Variants in NKAIN2 observed in about 807,000 individuals in gnomAD.
The protein encoded by NKAIN2 is sodium/potassium-transporting ATPase subunit beta-1-interacting protein 2.
In NKAIN2, 14 loss-of-function variants were observed where a neutral mutation model predicts 32.6. That is an observed-to-expected ratio of 0.43 (90% CI 0.28 to 0.67). The LOEUF (loss-of-function observed/expected upper bound fraction) is 0.67. Ranked by LOEUF, NKAIN2 falls within the 30% of genes least tolerant of loss-of-function variation. The pLI is 0.17. For missense variants in NKAIN2, 198 were observed against 258.3 expected (o/e 0.77, Z 1.60); for synonymous variants, 80 against 87.2 (o/e 0.92, Z 0.46).
In NKAIN2 at chr6:124,365,964, T is replaced by A. The variant is rs1799498991; in HGVS notation, c.273+10617T>A. Among the ~76,000 whole-genome samples, 15 of 151,436 alleles carry A rather than the reference T, an allele frequency of 9.9e-5. 1 individual carries two copies. Among genetic ancestry groups the A allele is most frequent in the Middle Eastern group, 3.5e-3 (1 of 288 alleles). ...TGAATTTATTGCTAAAAAAAAAACT[T>A]GGTGGTGTGAAATTGCAGAAATGCT... On this transcript the variant is annotated intron_variant, in intron 3 of 6. Transcript: ENST00000368417.
intron 1 of NKAIN2, among the ~76,000 whole-genome samples, chr6:124,276,486 T>C (rs180835748): frequency 6.6e-6 from 1 of 152,282 alleles, no homozygotes; most frequent in Non-Finnish European, 1.5e-5. Flanking sequence ...ACTTCAAGTT[T>C]ATCCTCTTCA....
intron 2 of NKAIN2, among the ~76,000 whole-genome samples, chr6:124,350,138 T>G (rs1798647006): frequency 6.6e-6 from 1 of 152,190 alleles, no homozygotes; most frequent in African/African-American, 2.4e-5. Flanking sequence ...TTATATTAGG[T>G]CATCTCTCCA....
chr6:124,340,578 G>A (rs958625486), intron 2 of NKAIN2, among the ~76,000 whole-genome samples: 5 of 151,950 alleles, frequency 3.3e-5, no homozygotes, highest in African/African-American at 9.7e-5. Context: ...TTCCTTCTTT[G>A]TATTCATAAG....
chr6:123,900,029 C>A (rs1289758558), intron 1 of NKAIN2, among the ~76,000 whole-genome samples: 1 of 152,182 alleles, frequency 6.6e-6, no homozygotes, highest in African/African-American at 2.4e-5. Flanking sequence ...GAACCCTCAA[C>A]CCAATGGTCC....
intron 5 of NKAIN2, among the ~76,000 whole-genome samples, chr6:124,806,152 C>A (rs1780542717): frequency 6.6e-6 from 1 of 152,078 alleles, no homozygotes; most frequent in African/African-American, 2.4e-5. Flanking sequence ...CACAAAGATA[C>A]TCCTCGAGAA....
At chr6:123,805,189 A>G (rs1773164561) in intron 1 of NKAIN2, among the ~76,000 whole-genome samples, 1 of 152,234 alleles carries the variant, frequency 6.6e-6, no homozygotes, top group South Asian at 2.1e-4. Flanking sequence ...ACTTGTCATT[A>G]AATATATTTC....
At chr6:124,156,436 T>C (rs893874031) in intron 1 of NKAIN2, among the ~76,000 whole-genome samples, 2 of 151,868 alleles carry the variant, frequency 1.3e-5, no homozygotes, top group Non-Finnish European at 2.9e-5. Context: ...CTCAAGGGAG[T>C]CACATCTGAA....
intron 4 of NKAIN2, among the ~76,000 whole-genome samples, chr6:124,780,862 A>G (rs1235183788): frequency 6.6e-6 from 1 of 152,204 alleles, no homozygotes; most frequent in Non-Finnish European, 1.5e-5. Flanking sequence ...CTATAAAATC[A>G]TGATGAGTCG....
intron 3 of NKAIN2, among the ~76,000 whole-genome samples, chr6:124,613,720 C>A (rs553084106): frequency 9.9e-5 from 15 of 152,146 alleles, no homozygotes; most frequent in African/African-American, 3.4e-4. Flanking sequence ...TCAAGCTAAC[C>A]TTTCCTTACA....
intron 1 of NKAIN2, among the ~76,000 whole-genome samples, chr6:123,857,276 T>G (rs900124472): frequency 6.8e-5 from 10 of 147,024 alleles, no homozygotes; most frequent in Non-Finnish European, 1.1e-4. Context: ...TTTTTTTTTT[T>G]GCATATGTGA....
At chr6:124,090,808 A>G (rs10484735) in intron 1 of NKAIN2, among the ~76,000 whole-genome samples, 21,083 of 151,982 alleles carry the variant, frequency 0.14, 1,941 homozygotes, top group Middle Eastern at 0.25. Flanking sequence ...AACTTTTATA[A>G]TCGTTCAGTG....
intron 1 of NKAIN2, among the ~76,000 whole-genome samples, chr6:124,272,100 T>C (rs141450953): frequency 2.2e-3 from 340 of 152,278 alleles, no homozygotes; most frequent in African/African-American, 7.8e-3. Context: ...TAATGCAGTA[T>C]GAAGGAAAAC....
chr6:124,805,660 G>C (rs1208581728), intron 5 of NKAIN2, among the ~76,000 whole-genome samples: 1 of 152,250 alleles, frequency 6.6e-6, no homozygotes, highest in Non-Finnish European at 1.5e-5. Context: ...TTGACGAGTT[G>C]AGAGAAGAAG....
chr6:124,566,759 AG>A (rs1482685652), intron 3 of NKAIN2, among the ~76,000 whole-genome samples: 2 of 152,188 alleles, frequency 1.3e-5, no homozygotes, highest in Non-Finnish European at 2.9e-5. Context: ...ATGAGCTCCT[AG>A]GGTGACATAA....
chr6:124,326,404 A>G (rs1480893201), intron 2 of NKAIN2, among the ~76,000 whole-genome samples: 2 of 152,106 alleles, frequency 1.3e-5, no homozygotes, highest in Non-Finnish European at 2.9e-5. Context: ...TCCTCACTCC[A>G]GGGTTGCCTC....
intron 3 of NKAIN2, among the ~76,000 whole-genome samples, chr6:124,633,848 GGTAGAGT>G (rs563373735): frequency 1.3e-5 from 2 of 152,254 alleles, no homozygotes; most frequent in South Asian, 4.1e-4. Flanking sequence ...TTCCTCCACT[GGTAGAGT>G]CACTGCACAA....
intron 3 of NKAIN2, among the ~76,000 whole-genome samples, chr6:124,364,331 C>T (rs781078018): frequency 6.8e-6 from 1 of 148,110 alleles, no homozygotes; most frequent in Non-Finnish European, 1.5e-5. Flanking sequence ...GATAAAAAAA[C>T]AGAATTGGAT....
chr6:124,196,221 G>A (rs547500024), intron 1 of NKAIN2, among the ~76,000 whole-genome samples: 15 of 151,914 alleles, frequency 9.9e-5, no homozygotes, highest in Admixed American at 8.5e-4. Context: ...ATACTTATCC[G>A]GGTAACTATA....
chr6:124,685,438 G>A (rs1012014472), intron 4 of NKAIN2, among the ~76,000 whole-genome samples: 1 of 152,130 alleles, frequency 6.6e-6, no homozygotes, highest in African/African-American at 2.4e-5. Context: ...ATTTGCCAAT[G>A]ATATTACATA....
Sources: allele counts gnomAD v4.1 joint callset (sites outside exome capture counted in the v4.1 genomes callset), GRCh38; gene constraint gnomAD v4.1.1; transcripts MANE v1.5; gene names NCBI Gene and HGNC (gene_info 2026-07-23, HGNC 2026-07-21).